The following PROSER2 variants were observed in gnomAD, a reference collection of about 807,000 sequenced individuals.
The protein encoded by PROSER2 is proline and serine-rich protein 2.
In PROSER2, 18 loss-of-function variants were observed where a neutral mutation model predicts 14.6. The ratio of observed to expected loss-of-function variants is 1.23; its 90% CI spans 0.85 to 1.83. PROSER2 has a LOEUF of 1.83. PROSER2 is among the 40% of genes most tolerant of loss of function. The pLI, the probability that PROSER2 is intolerant of heterozygous loss-of-function variation, is 0.00. For synonymous variants in PROSER2, 367 were observed against 286.4 expected (o/e 1.28, Z -2.84); for missense variants, 823 against 629.8 (o/e 1.31, Z -3.28).
chr10:11,869,758 C>T lies in PROSER2; in HGVS notation c.660C>T (p.Gly220=), dbSNP rs1383592667. 14 of 1,573,882 alleles carry T rather than the reference C, an allele frequency of 8.9e-6. No individual in the cohort carries two copies. The highest frequency in any genetic ancestry group is 1.3e-5 in the African/African-American group (1 of 74,106). ...CGCCCACCTCCCCGTTCAGGGAGGGCCGGCCCGGGGAGTGGAGGACACCTG... is the reference window on the plus strand; with the variant it reads ...CGCCCACCTCCCCGTTCAGGGAGGGTCGGCCCGGGGAGTGGAGGACACCTG... ...ALSPTSPFRE[G]RPGEWRTPAA... Residue 220 remains glycine, a synonymous_variant, in exon 4 of 4, where the codon GGC becomes GGT. Coordinates refer to ENST00000277570, the MANE Select transcript of PROSER2 (RefSeq NM_153256.4). The surrounding 1 kb of genome is among the most constrained non-coding windows in gnomAD (Gnocchi z 4.4).
chr10:11,866,319 G>A lies in PROSER2; in HGVS notation c.139-212G>A, dbSNP rs1406520233. Among the ~76,000 whole-genome samples, 1 of 152,132 alleles carries A rather than the reference G, an allele frequency of 6.6e-6. No individual in the cohort carries two copies. Among genetic ancestry groups the A allele is most frequent in the Non-Finnish European group, 1.5e-5 (1 of 68,018 alleles). On this transcript the variant is annotated intron_variant, in intron 2 of 3. Transcript: ENST00000277570. This position sits in a 1 kb window ranked among gnomAD's most constrained non-coding sequence, Gnocchi z 6.0. ...GGCGAGGGCCCGTTATAACAGCTTTGAGGCTCTGTTGTTTGCTCTGCCTTT... is the reference window on the plus strand; with the variant it reads ...GGCGAGGGCCCGTTATAACAGCTTTAAGGCTCTGTTGTTTGCTCTGCCTTT...
rs1204477767 is a variant in PROSER2 at position 11,869,833 on chromosome 10, G to A, written c.735G>A (p.Pro245=). Residue 245 remains proline (P), a synonymous_variant, in exon 4 of 4, where the codon CCG becomes CCA. Transcript: ENST00000277570. This position sits in a 1 kb window ranked among gnomAD's most constrained non-coding sequence, Gnocchi z 4.4. ...SGDPGPGPSH[P]AQPKAPRFPS... ...ACCCTGGCCCGGGGCCCAGCCACCC[G>A]GCGCAGCCCAAGGCACCCCGCTTCC... The A allele has an allele frequency of 1.3e-6, 2 of 1,577,186 alleles. No individual in the cohort carries two copies. The highest frequency in any genetic ancestry group is 1.7e-6 in the Non-Finnish European group (2 of 1,164,600).
At position 11,836,587 on chromosome 10, in the gene PROSER2, G is replaced by A. The variant is rs920399061; in HGVS notation, c.-82+13117G>A. Among the ~76,000 whole-genome samples, 2 of 152,070 alleles carry A rather than the reference G, an allele frequency of 1.3e-5. No homozygotes were observed. The highest frequency in any genetic ancestry group is 2.4e-5 in the African/African-American group (1 of 41,394). On this transcript the variant is annotated intron_variant, in intron 1 of 3. Coordinates refer to ENST00000277570, the MANE Select transcript of PROSER2 (RefSeq NM_153256.4). This position sits in a 1 kb window ranked among gnomAD's most constrained non-coding sequence, Gnocchi z 4.6. ...TCACAAAATTCATGGTATGCACGCC[G>A]GCCCCTTCCTAGCGTGTAGGTGTGC...
Position 11,870,008 on chromosome 10 carries a change from G to T in PROSER2, c.910G>T (p.Glu304Ter). 1.6e-6 allele frequency: 2 copies of T among 1,249,600 alleles called. No homozygotes were observed. The highest frequency in any genetic ancestry group is 3.0e-5 in the South Asian group (1 of 32,920). 77.4% of individuals were successfully genotyped at this position (1,249,600 alleles called of 1,614,324 possible). Residue 304 changes from glutamate to a stop codon, truncating the protein, a stop_gained, in exon 4 of 4, where the codon GAG becomes TAG. Coordinates refer to ENST00000277570, the MANE Select transcript of PROSER2 (RefSeq NM_153256.4). LOFTEE classifies it low-confidence loss of function (END_TRUNC). Reference sequence around the variant, plus strand: ...CTTCCCCGCCGCGGGGGACGCCGGCGAGGGGGCCCCAGGGGGCGGCTCCTC... The same window carrying T: ...CTTCCCCGCCGCGGGGGACGCCGGCTAGGGGGCCCCAGGGGGCGGCTCCTC... ...GAFPAAGDAG[E>*]GAPGGGSSPE...
intron 2 of PROSER2, among the ~76,000 whole-genome samples, chr10:11,853,197 A>T (rs1027737324): frequency 6.6e-6 from 1 of 152,220 alleles, no homozygotes; most frequent in African/African-American, 2.4e-5. Context: ...GAAGCTAGAT[A>T]TACTTGGTAT....
rs80195148 is a variant in PROSER2 at position 11,856,033 on chromosome 10, A to G, written c.138+3818A>G. Among the ~76,000 whole-genome samples, 2,961 of 152,308 alleles carry G rather than the reference A, an allele frequency of 0.019. 86 individuals carry two copies. Among genetic ancestry groups the G allele is most frequent in the African/African-American group, 0.066 (2,754 of 41,558 alleles). Reference sequence around the variant, plus strand: ...CCAAATCCTAGAATATGTGGCTACAAAGGCATCCCTTGAATTATGTCTTTT... The same window carrying G: ...CCAAATCCTAGAATATGTGGCTACAGAGGCATCCCTTGAATTATGTCTTTT... On this transcript the variant is annotated intron_variant, in intron 2 of 3. Coordinates refer to ENST00000277570, the MANE Select transcript of PROSER2 (RefSeq NM_153256.4). The surrounding 1 kb of genome is among the most constrained non-coding windows in gnomAD (Gnocchi z 5.3).
At chr10:11,848,434 G>A (rs528062716) in intron 1 of PROSER2, among the ~76,000 whole-genome samples, 8 of 152,310 alleles carry the variant, frequency 5.3e-5, no homozygotes, top group Non-Finnish European at 1.0e-4. Flanking sequence ...CTCCCAAAGT[G>A]CAGGGGTTAC....
chr10:11,841,931 A>G (rs1440458197), intron 1 of PROSER2, among the ~76,000 whole-genome samples: 2 of 152,178 alleles, frequency 1.3e-5, no homozygotes, highest in Non-Finnish European at 2.9e-5. Flanking sequence ...CAGGCTTGAT[A>G]AATCAGTTGC....
Position 11,870,400 on chromosome 10 carries a change from T to A in PROSER2, c.1302T>A (p.Ser434Arg), listed in dbSNP as rs1217984224. The stretch of plus-strand genomic sequence containing the variant: ...GGAAGCTGGGGCTGCTCAGGGAGAG[T>A]TCGTGAGGGCCGCGCGGGCTCCAGT... ...ALRKLGLLRE[S>R]S is the part of the protein sequence containing the mutation. The change falls in exon 4 of 4, where the codon AGT becomes AGA. Residue 434 changes from serine (S) to arginine (R), a missense_variant. By Grantham distance (110) the Ser-to-Arg change is moderately radical (BLOSUM62 -1). Coordinates refer to ENST00000277570, the MANE Select transcript of PROSER2 (RefSeq NM_153256.4). 4 of 1,493,930 alleles carry A rather than the reference T, an allele frequency of 2.7e-6. No homozygotes were observed. The highest frequency in any genetic ancestry group is 3.6e-6 in the Non-Finnish European group (4 of 1,124,702). The allele number at this position is 1,493,930 out of a possible 1,614,324, so 92.5% of individuals were successfully genotyped here.
At chr10:11,855,046 G>A (rs1834096854) in intron 2 of PROSER2, among the ~76,000 whole-genome samples, 1 of 150,758 alleles carries the variant, frequency 6.6e-6, no homozygotes, top group Admixed American at 6.6e-5. Flanking sequence ...TGTACGATAT[G>A]TAAATGCACC....
intron 1 of PROSER2, among the ~76,000 whole-genome samples, chr10:11,849,166 G>A (rs112635931): frequency 0.086 from 13,143 of 151,970 alleles, 628 homozygotes; most frequent in Middle Eastern, 0.13. Flanking sequence ...CAGCCTGGGC[G>A]GCACAGCAAA....
At position 11,826,897 on chromosome 10, in the gene PROSER2, T is replaced by TTTTC. The variant is rs58963502; in HGVS notation, c.-82+3427_-82+3428insTTTC. Among the ~76,000 whole-genome samples the TTTTC allele has an allele frequency of 2.7e-4, 37 of 134,744 alleles. 2 individuals are homozygous for TTTTC. Among genetic ancestry groups the TTTTC allele is most frequent in the Admixed American group, 6.2e-4 (8 of 12,846 alleles). 88.4% of individuals were successfully genotyped at this position (134,744 alleles called of 152,430 possible). On this transcript the variant is annotated intron_variant, in intron 1 of 3. Coordinates refer to ENST00000277570, the MANE Select transcript of PROSER2 (RefSeq NM_153256.4). Reference sequence around the variant, plus strand: ...ACCCGGCCTTTTTTTTTTTTTTTTTTCCTCTGACATAGGATTTCACTGTGT... The same window carrying TTTTC: ...ACCCGGCCTTTTTTTTTTTTTTTTTTTTTCCCTCTGACATAGGATTTCACTGTGT...
In PROSER2 at chr10:11,870,606, A is replaced by G; in HGVS notation, c.*200A>G. 2.1e-6 allele frequency: 1 copy of G among 482,670 alleles called. No homozygotes were observed. The highest frequency in any genetic ancestry group is 3.7e-6 in the Non-Finnish European group (1 of 268,712). 29.9% of individuals were successfully genotyped at this position (482,670 alleles called of 1,614,324 possible). ...CCGCAAGCTCCAGCCACCGGCACAG[A>G]GAACTCTTCCCTAAAGGAATCTGGC... On this transcript the variant is annotated 3_prime_UTR_variant, in exon 4 of 4. Coordinates refer to ENST00000277570, the MANE Select transcript of PROSER2 (RefSeq NM_153256.4).
At chr10:11,853,229 A>G (rs1457702355) in intron 2 of PROSER2, among the ~76,000 whole-genome samples, 1 of 152,240 alleles carries the variant, frequency 6.6e-6, no homozygotes, top group Non-Finnish European at 1.5e-5. Context: ...TAGTAATGAC[A>G]GAATTTTCTA....
intron 2 of PROSER2, among the ~76,000 whole-genome samples, chr10:11,853,348 G>T (rs1027691273): frequency 6.6e-6 from 1 of 152,174 alleles, no homozygotes; most frequent in Admixed American, 6.5e-5. Context: ...GGCACTTTGG[G>T]AGGCCAAGGC....
chr10:11,827,268 C>T (rs988121044), intron 1 of PROSER2, among the ~76,000 whole-genome samples: 7 of 151,778 alleles, frequency 4.6e-5, no homozygotes, highest in African/African-American at 9.7e-5. Context: ...GTGCATTTCT[C>T]GAACGACTTC....
rs1335498648 is a variant in PROSER2, at chr10:11,866,531, G to A, written c.139G>A (p.Asp47Asn). The change falls in exon 3 of 4, where the codon GAT (aspartate) becomes AAT (asparagine). Residue 47 changes from aspartate to asparagine, a missense_variant and splice_region_variant. Physicochemically the swap from Asp to Asn is conservative, Grantham distance 23. Coordinates refer to ENST00000277570, the MANE Select transcript of PROSER2 (RefSeq NM_153256.4). This position sits in a 1 kb window ranked among gnomAD's most constrained non-coding sequence, Gnocchi z 6.0. Reference sequence around the variant, plus strand: ...TCTGTTCCCAATCCCTGTACTCTAGGATGATGAGAGCCTGAAGTACCTCAC... The same window carrying A: ...TCTGTTCCCAATCCCTGTACTCTAGAATGATGAGAGCCTGAAGTACCTCAC... ...SSSRSRSFTL[D>N]DESLKYLTHE... The A allele has an allele frequency of 6.2e-7, 1 of 1,614,056 alleles. No homozygotes were observed. The highest frequency in any genetic ancestry group is 8.5e-7 in the Non-Finnish European group (1 of 1,179,988).
At chr10:11,859,192 C>T (rs1022455590) in intron 2 of PROSER2, among the ~76,000 whole-genome samples, 6 of 151,610 alleles carry the variant, frequency 4.0e-5, no homozygotes, top group African/African-American at 1.2e-4. Context: ...GAGGCTGAGG[C>T]GGGTAGATCA....
chr10:11,852,892 CAAGTA>C (rs74960900), intron 2 of PROSER2, among the ~76,000 whole-genome samples: 63,767 of 144,836 alleles, frequency 0.44, 14,158 homozygotes, highest in East Asian at 0.76. Flanking sequence ...CACTCCTGTG[CAAGTA>C]AAGATGCTTT....
Sources: allele counts gnomAD v4.1 joint callset (sites outside exome capture counted in the v4.1 genomes callset), GRCh38; gene constraint gnomAD v4.1.1; non-coding constraint Gnocchi (gnomAD v3.1); transcripts MANE v1.5; gene names NCBI Gene and HGNC (gene_info 2026-07-23, HGNC 2026-07-21).